NRG3: variants seen among roughly 807,000 people sequenced by gnomAD.
The protein encoded by NRG3 is pro-neuregulin-3, membrane-bound isoform.
NRG3 carries 31 observed loss-of-function variants against 66.9 expected under a neutral mutation model. The ratio of observed to expected loss-of-function variants is 0.46; its 90% confidence interval spans 0.35 to 0.63. The LOEUF is 0.63. NRG3 is among the 20% of genes least tolerant of loss of function. NRG3 has a pLI of 0.00. For synonymous variants in NRG3, 393 were observed against 359.4 expected, an observed-to-expected ratio of 1.09 and a Z score of -1.06; for missense variants, 910 against 878.9, an observed-to-expected ratio of 1.04 and a Z score of -0.45.
intron 2 of NRG3, among the ~76,000 whole-genome samples, chr10:82,648,079 C>G (rs1427671042): frequency 5.3e-5 from 8 of 150,256 alleles, no homozygotes; most frequent in Admixed American, 5.3e-4. Context: ...AGTCCTTGCC[C>G]ATGCCTATGT....
intron 1 of NRG3, among the ~76,000 whole-genome samples, chr10:82,268,652 A>G (rs7093376): frequency 0.48 from 72,375 of 152,000 alleles, 20,797 homozygotes; most frequent in African/African-American, 0.81. Context: ...TTGCTGTATT[A>G]AGACATGGAC....
intron 1 of NRG3, among the ~76,000 whole-genome samples, chr10:82,054,375 T>C (rs2063738949): frequency 6.6e-6 from 1 of 152,038 alleles, no homozygotes; most frequent in Non-Finnish European, 1.5e-5. Flanking sequence ...TGGTAAGGTG[T>C]GATGGAGGAA....
intron 4 of NRG3, among the ~76,000 whole-genome samples, chr10:82,941,451 G>T (rs1018904081): frequency 6.6e-6 from 1 of 152,070 alleles, no homozygotes. Context: ...TCTCTTTTCT[G>T]ATCAAGGTTC....
chr10:82,626,775 G>A (rs1044839206), intron 2 of NRG3, among the ~76,000 whole-genome samples: 1 of 152,030 alleles, frequency 6.6e-6, no homozygotes, highest in Admixed American at 6.6e-5. Context: ...ACTCATGACA[G>A]TCAAGAGCAG....
chr10:82,427,458 T>C (rs570587004), intron 2 of NRG3, among the ~76,000 whole-genome samples: 1 of 152,162 alleles, frequency 6.6e-6, no homozygotes, highest in Non-Finnish European at 1.5e-5. Flanking sequence ...TATTTGTCCT[T>C]TAGTCTATTG....
Position 82,009,335 on chromosome 10 carries a change from T to A in NRG3, c.823+133172T>A, listed in dbSNP as rs79006281. 1.1e-3 allele frequency among the ~76,000 whole-genome samples: 171 copies of A among 152,286 alleles called. 3 individuals carry two copies. The East Asian group carries it at 0.03, about 26-fold the overall frequency. ...GGTGGCTTGCTTTGTAACCTTTTCC[T>A]GAATAGTAGACTAGGTACTGTCTTC... On this transcript the variant is annotated intron_variant, in intron 1 of 8. Transcript: ENST00000372141.
At chr10:82,676,258 T>C (rs921556913) in intron 2 of NRG3, among the ~76,000 whole-genome samples, 12 of 152,172 alleles carry the variant, frequency 7.9e-5, no homozygotes, top group Non-Finnish European at 1.6e-4. Flanking sequence ...TCTTCATTAA[T>C]AATCATAAGC....
chr10:82,456,886 G>A (rs2091291324), intron 2 of NRG3, among the ~76,000 whole-genome samples: 1 of 152,060 alleles, frequency 6.6e-6, no homozygotes, highest in Admixed American at 6.6e-5. Context: ...TAGAGTTTTG[G>A]TCCACGCCAG....
chr10:81,962,683 T>A, intron 1 of NRG3, among the ~76,000 whole-genome samples: 1 of 152,168 alleles, frequency 6.6e-6, no homozygotes, highest in East Asian at 1.9e-4. Flanking sequence ...AGGGAAAGCT[T>A]GGCTAGCGGA....
At chr10:82,438,334 C>G (rs904874449) in intron 2 of NRG3, among the ~76,000 whole-genome samples, 1 of 152,252 alleles carries the variant, frequency 6.6e-6, no homozygotes, top group Non-Finnish European at 1.5e-5. Flanking sequence ...TGGCCACAGA[C>G]TGCCACAGCC....
intron 2 of NRG3, among the ~76,000 whole-genome samples, chr10:82,441,443 G>T (rs1357611984): frequency 6.6e-6 from 1 of 152,144 alleles, no homozygotes; most frequent in African/African-American, 2.4e-5. Flanking sequence ...CAAATCCGGG[G>T]TCTGCTATTC....
chr10:82,968,768 C>T (rs1851451180), intron 6 of NRG3, among the ~76,000 whole-genome samples: 1 of 152,102 alleles, frequency 6.6e-6, no homozygotes, highest in South Asian at 2.1e-4. Flanking sequence ...CTGATATTGT[C>T]CCCTGGCAGC....
intron 2 of NRG3, among the ~76,000 whole-genome samples, chr10:82,525,983 G>A (rs1211976467): frequency 2.0e-5 from 3 of 151,922 alleles, no homozygotes; most frequent in Admixed American, 2.0e-4. Flanking sequence ...CAGGAAGAAA[G>A]ATCAGGGAAA....
chr10:82,897,664 G>A (rs1843791344), intron 4 of NRG3, among the ~76,000 whole-genome samples: 1 of 152,030 alleles, frequency 6.6e-6, no homozygotes, highest in South Asian at 2.1e-4. Flanking sequence ...GATTATAGAT[G>A]TGCGCCACAA....
chr10:81,981,407 G>A (rs1000032336), intron 1 of NRG3, among the ~76,000 whole-genome samples: 5 of 152,162 alleles, frequency 3.3e-5, no homozygotes, highest in African/African-American at 1.2e-4. Context: ...AGATATTAAG[G>A]CTCAGTAGTA....
intron 2 of NRG3, among the ~76,000 whole-genome samples, chr10:82,669,334 T>C (rs948719649): frequency 2.6e-5 from 4 of 151,402 alleles, no homozygotes; most frequent in African/African-American, 9.7e-5. Context: ...TGAAGACTAG[T>C]CCCAGTACTA....
intron 3 of NRG3, among the ~76,000 whole-genome samples, chr10:82,837,915 G>A (rs929935787): frequency 2.6e-5 from 4 of 152,170 alleles, no homozygotes; most frequent in Non-Finnish European, 4.4e-5. Context: ...TCAACAAACA[G>A]TAGTACCTGC....
At chr10:81,938,643 A>ATGTGTGTGTG (rs1564674211) in intron 1 of NRG3, among the ~76,000 whole-genome samples, 3,789 of 145,614 alleles carry the variant, frequency 0.026, 141 homozygotes, top group African/African-American at 0.081. Flanking sequence ...GTGTGTGTGC[A>ATGTGTGTGTG]TGCATGCATG....
chr10:82,929,010 T>C (rs1173539335), intron 4 of NRG3, among the ~76,000 whole-genome samples: 2 of 152,160 alleles, frequency 1.3e-5, no homozygotes, highest in Non-Finnish European at 2.9e-5. Flanking sequence ...ACATGAACTA[T>C]CTATAGGAGA....
Sources: allele counts gnomAD v4.1 joint callset (sites outside exome capture counted in the v4.1 genomes callset), GRCh38; gene constraint gnomAD v4.1.1; transcripts MANE v1.5; gene names NCBI Gene and HGNC (gene_info 2026-07-23, HGNC 2026-07-21).